RBFOX1: variants seen among roughly 807,000 people sequenced by gnomAD.
RBFOX1 encodes the protein RNA binding fox-1 homolog 1.
A neutral mutation model predicts 57.7 loss-of-function variants in RBFOX1; 8 were observed. That is an observed-to-expected ratio of 0.14 (90% CI 0.08 to 0.25). RBFOX1 has a LOEUF of 0.25. RBFOX1 is among the 10% of genes least tolerant of loss of function. The pLI, the probability that RBFOX1 is intolerant of heterozygous loss-of-function variation, is 1.00. For missense variants in RBFOX1, 611 were observed against 548.5 expected (o/e 1.11, Z -1.14); for synonymous variants, 326 against 222.4 (o/e 1.47, Z -4.15).
chr16:7,159,348 G>A (rs1026175680), intron 4 of RBFOX1, among the ~76,000 whole-genome samples: 1 of 152,126 alleles, frequency 6.6e-6, no homozygotes, highest in Non-Finnish European at 1.5e-5. Flanking sequence ...GGGGTGGCAA[G>A]CCCCTGGTGA....
chr16:5,417,194 C>G (rs1235674497), intron 1 of RBFOX1, among the ~76,000 whole-genome samples: 1 of 152,194 alleles, frequency 6.6e-6, no homozygotes, highest in African/African-American at 2.4e-5. Context: ...TAATCAGTCA[C>G]ATATTTTATT....
chr16:5,801,622 A>G (rs1050976192), intron 3 of RBFOX1, among the ~76,000 whole-genome samples: 3 of 152,294 alleles, frequency 2.0e-5, no homozygotes, highest in Admixed American at 1.3e-4. Context: ...AGGCACACAC[A>G]AAAAAATACC....
At position 7,073,409 on chromosome 16, in the gene RBFOX1, C is replaced by CATGCAT. The variant is rs1479589935; in HGVS notation, c.27+21312_27+21317dup. 7.2e-5 allele frequency among the ~76,000 whole-genome samples: 11 copies of CATGCAT among 152,268 alleles called. No individual in the cohort carries two copies. In the South Asian group the frequency reaches 2.3e-3, roughly 32 times the overall value. Reference sequence around the variant, plus strand: ...AAAATGAGCTTTACAGGGTCAAGAGCATGCATGAGTTAGCCGAGCGCTGCC... The same window carrying CATGCAT: ...AAAATGAGCTTTACAGGGTCAAGAGCATGCATATGCATGAGTTAGCCGAGCGCTGCC... On this transcript the variant is annotated intron_variant, in intron 4 of 15. Transcript: ENST00000550418.
intron 3 of RBFOX1, among the ~76,000 whole-genome samples, chr16:5,817,517 G>C (rs2055686026): frequency 1.3e-5 from 2 of 152,260 alleles, no homozygotes; most frequent in South Asian, 2.1e-4. Context: ...AATTCTCATA[G>C]CTCAGGGAAC....
At chr16:7,202,583 G>T (rs1193050965) in intron 4 of RBFOX1, among the ~76,000 whole-genome samples, 2 of 152,190 alleles carry the variant, frequency 1.3e-5, no homozygotes, top group African/African-American at 2.4e-5. Flanking sequence ...GGATGAGCAA[G>T]CAAAGCTTCT....
At chr16:6,155,411 A>C (rs1185875813) in intron 1 of RBFOX1, among the ~76,000 whole-genome samples, 1 of 152,224 alleles carries the variant, frequency 6.6e-6, no homozygotes, top group Non-Finnish European at 1.5e-5. Flanking sequence ...CCATCTGCTG[A>C]GTAAGTAGAG....
At chr16:6,682,833 A>C (rs2058860490) in intron 3 of RBFOX1, among the ~76,000 whole-genome samples, 1 of 151,276 alleles carries the variant, frequency 6.6e-6, no homozygotes, top group South Asian at 2.1e-4. Context: ...AACAGGATAA[A>C]GGCAAAAAGA....
At chr16:5,296,071 G>C (rs1919053) in intron 1 of RBFOX1, among the ~76,000 whole-genome samples, 148,475 of 152,294 alleles carry the variant, frequency 0.97, 72,516 homozygotes, top group East Asian at 1. Context: ...CCTCCATTGC[G>C]CCCGGGTTCC....
chr16:6,727,124 G>GTGTA lies in RBFOX1; in HGVS notation c.-16+72475_-16+72476insGTAT, dbSNP rs1555736651. Among the ~76,000 whole-genome samples, 230 of 149,230 alleles carry GTGTA rather than the reference G, an allele frequency of 1.5e-3. 2 individuals are homozygous for GTGTA. Among genetic ancestry groups the GTGTA allele is most frequent in the African/African-American group, 4.9e-3 (198 of 40,268 alleles). ...CACACATAAATATATGTGTGTGTGT[G>GTGTA]TATATATAAAACATGTATATATTTG... is the stretch of plus-strand genomic sequence containing the variant. On this transcript the variant is annotated intron_variant, in intron 3 of 15. Transcript: ENST00000550418.
At chr16:5,630,293 C>G (rs1329893710) in intron 3 of RBFOX1, among the ~76,000 whole-genome samples, 2 of 151,992 alleles carry the variant, frequency 1.3e-5, no homozygotes, top group East Asian at 3.9e-4. Flanking sequence ...CCTGTGTCTA[C>G]TAAAAATACA....
At chr16:7,215,360 C>T (rs983373159) in intron 4 of RBFOX1, among the ~76,000 whole-genome samples, 2 of 152,146 alleles carry the variant, frequency 1.3e-5, no homozygotes, top group African/African-American at 4.8e-5. Flanking sequence ...TATAAAGACA[C>T]CTGCACATGT....
At chr16:5,933,088 T>C (rs2059099026) in intron 4 of RBFOX1, among the ~76,000 whole-genome samples, 1 of 152,220 alleles carries the variant, frequency 6.6e-6, no homozygotes, top group African/African-American at 2.4e-5. Context: ...CTCTGGAAAC[T>C]CACATCAGGA....
At chr16:6,449,982 C>A (rs180981078) in intron 2 of RBFOX1, among the ~76,000 whole-genome samples, 1 of 152,134 alleles carries the variant, frequency 6.6e-6, no homozygotes, top group African/African-American at 2.4e-5. Flanking sequence ...GAGTGGATTG[C>A]GTTAGTTCCC....
At chr16:6,547,012 A>T (rs2096905732) in intron 2 of RBFOX1, among the ~76,000 whole-genome samples, 1 of 152,212 alleles carries the variant, frequency 6.6e-6, no homozygotes, top group Non-Finnish European at 1.5e-5. Flanking sequence ...CTTAGCCAGG[A>T]GAGGCAGATT....
At chr16:6,304,964 A>G (rs1225017995) in intron 1 of RBFOX1, among the ~76,000 whole-genome samples, 1 of 152,006 alleles carries the variant, frequency 6.6e-6, no homozygotes, top group Non-Finnish European at 1.5e-5. Context: ...CAATGACAAC[A>G]ATCAACAGAA....
chr16:6,078,271 G>A (rs1222981956), intron 1 of RBFOX1, among the ~76,000 whole-genome samples: 1 of 152,156 alleles, frequency 6.6e-6, no homozygotes, highest in African/African-American at 2.4e-5. Flanking sequence ...AGTATATTAT[G>A]TTGGTTAAGA....
chr16:5,621,068 C>G (rs149783483), intron 3 of RBFOX1, among the ~76,000 whole-genome samples: 2,819 of 152,304 alleles, frequency 0.019, 86 homozygotes, highest in African/African-American at 0.062. Context: ...TCTTGATGTC[C>G]TGACCTCGTG....
chr16:7,530,555 G>T (rs1366289884), intron 5 of RBFOX1, among the ~76,000 whole-genome samples: 1 of 151,768 alleles, frequency 6.6e-6, no homozygotes, highest in East Asian at 1.9e-4. Flanking sequence ...GCTGCTCCTG[G>T]TGGTTGTATC....
chr16:7,696,538 A>G (rs1334959769), intron 14 of RBFOX1, among the ~76,000 whole-genome samples: 2 of 145,912 alleles, frequency 1.4e-5, no homozygotes, highest in African/African-American at 5.6e-5. Context: ...ATCAGTGACT[A>G]GAAATTCATT....
Sources: gnomAD v4.1 joint callset for allele counts (sites outside exome capture counted in the v4.1 genomes callset) on GRCh38, gnomAD v4.1.1 for gene constraint, MANE v1.5 for transcripts, NCBI Gene and HGNC (gene_info 2026-07-23, HGNC 2026-07-21) for gene names.